The following SP100 variants were observed in gnomAD, a reference collection of about 807,000 sequenced individuals.
The protein encoded by SP100 is SP100 nuclear body protein, also known as nuclear autoantigen Sp-100.
A neutral mutation model predicts 130.0 loss-of-function variants in SP100; 84 were observed. The observed-to-expected ratio is 0.65, with a 90% confidence interval of 0.54 to 0.77. The LOEUF (loss-of-function observed/expected upper bound fraction) is 0.77. Ranked by LOEUF, SP100 falls within the 30% of genes least tolerant of loss-of-function variation. The pLI, the probability that SP100 is intolerant of heterozygous loss-of-function variation, is 0.00. For synonymous variants in SP100, 331 were observed against 351.7 expected (o/e 0.94, Z 0.66); for missense variants, 978 against 1,052.2 (o/e 0.93, Z 0.97).
chr2:230,438,648 T>TATACACACACACAC lies in SP100; in HGVS notation c.108-4288_108-4287insTACACACACACACA, dbSNP rs1246055755. ...AGTAGTACTCCATGGTGTATATATATACACACACACACACACACACACACA... is the reference window on the plus strand; with the variant it reads ...AGTAGTACTCCATGGTGTATATATATATACACACACACACACACACACACACACACACACACACA... On this transcript the variant is annotated intron_variant, in intron 2 of 28. Coordinates refer to ENST00000340126, the MANE Select transcript of SP100 (RefSeq NM_001080391.2). Among the ~76,000 whole-genome samples the TATACACACACACAC allele has an allele frequency of 1.2e-3, 158 of 127,478 alleles. 1 individual carries two copies. The highest frequency in any genetic ancestry group is 2.7e-3 in the Admixed American group (33 of 12,254). The allele number at this position is 127,478 out of a possible 152,430, so 83.6% of individuals were successfully genotyped here. A position where few individuals can be genotyped will look rare whatever the true frequency, so the allele number is the denominator to read the frequency against.
intron 23 of SP100, chr2:230,509,903 A>G (rs33079): frequency 0.84 from 128,171 of 152,258 alleles, 54,308 homozygotes; most frequent in Middle Eastern, 0.92. Context: ...TGGAGCCACT[A>G]CAAAGCTCCA....
intron 15 of SP100, chr2:230,470,345 T>C: frequency 8.7e-7 from 1 of 1,149,246 alleles, no homozygotes; most frequent in South Asian, 3.0e-5. Context: ...AAGAAATAAA[T>C]AGCAAATTTG....
At chr2:230,481,089 C>T (rs971048025) in intron 17 of SP100, among the ~76,000 whole-genome samples, 4 of 151,882 alleles carry the variant, frequency 2.6e-5, no homozygotes, top group South Asian at 2.1e-4. Context: ...CTGATGTCTA[C>T]GTATTGGAGT....
At chr2:230,439,806 G>A (rs1191844886) in intron 2 of SP100, among the ~76,000 whole-genome samples, 1 of 152,008 alleles carries the variant, frequency 6.6e-6, no homozygotes, top group Non-Finnish European at 1.5e-5. Context: ...CGATTAGGAT[G>A]CCCTTTATTT....
chr2:230,524,099 C>T (rs746714578), intron 24 of SP100, among the ~76,000 whole-genome samples: 27 of 145,308 alleles, frequency 1.9e-4, no homozygotes, highest in Middle Eastern at 3.6e-3. Context: ...TTTGAGAGGC[C>T]GAGGCAGGTG....
Position 230,462,463 on chromosome 2 carries a change from C to T in SP100, c.1002C>T (p.Ser334=), listed in dbSNP as rs764877858. The stretch of plus-strand genomic sequence containing the variant: ...TCAGCAGTGAGGACTCTGAAGGATC[C>T]ACTGACGTTGATGAGCCCTTAGAAG... The part of the protein sequence containing the change: ...IVISSEDSEG[S]TDVDEPLEVF... The change falls in exon 10 of 29, where the codon TCC becomes TCT. Residue 334 remains serine (S), a synonymous_variant. Transcript: ENST00000340126. The T allele has an allele frequency of 1.2e-6, 2 of 1,613,726 alleles. No homozygotes were observed. Among genetic ancestry groups the T allele is most frequent in the South Asian group, 1.1e-5 (1 of 91,052 alleles).
chr2:230,501,289 A>G (rs1466649479), intron 19 of SP100, among the ~76,000 whole-genome samples: 1 of 152,114 alleles, frequency 6.6e-6, no homozygotes, highest in Non-Finnish European at 1.5e-5. Flanking sequence ...CCTTTAGTTC[A>G]ATAGCCAAGT....
intron 23 of SP100, chr2:230,510,245 CAGG>C (rs1432690550): frequency 1.3e-5 from 2 of 152,568 alleles, no homozygotes; most frequent in African/African-American, 4.8e-5. Flanking sequence ...TCTCAAGATT[CAGG>C]AGAAAGTGGA....
chr2:230,496,381 G>C (rs376032072), intron 18 of SP100, among the ~76,000 whole-genome samples: 2 of 152,182 alleles, frequency 1.3e-5, no homozygotes, highest in Admixed American at 1.3e-4. Context: ...ATGTGGTAGG[G>C]AAGCTGGGTG....
chr2:230,486,962 C>T (rs888560225), intron 17 of SP100, among the ~76,000 whole-genome samples: 3 of 152,158 alleles, frequency 2.0e-5, no homozygotes, highest in Admixed American at 6.6e-5. Context: ...TCATTGGCCA[C>T]GTAAATGTCT....
intron 15 of SP100, among the ~76,000 whole-genome samples, chr2:230,472,156 C>T (rs543654452): frequency 6.6e-6 from 1 of 152,164 alleles, no homozygotes; most frequent in East Asian, 1.9e-4. Flanking sequence ...GGGCCAGGCG[C>T]AGTGACTCAT....
rs1690109206 is a variant in SP100 at position 230,506,427 on chromosome 2, C to T, written c.1995C>T (p.Thr665=). The change falls in exon 22 of 29, where the codon ACC becomes ACT. Residue 665 remains threonine (T), a synonymous_variant. Transcript: ENST00000340126. ...WKLSIRCGGY[T]LKVLMENKFL... ...TAAGTATACGCTGCGGTGGATATAC[C>T]CTGAAAGTCCTGATGGAGGTATTCT... 1 of 1,613,730 alleles carries T rather than the reference C, an allele frequency of 6.2e-7. No homozygotes were observed.
chr2:230,472,958 G>T (rs372139964), intron 15 of SP100, among the ~76,000 whole-genome samples: 9 of 152,120 alleles, frequency 5.9e-5, no homozygotes, highest in Non-Finnish European at 1.2e-4. Context: ...GTGTCAGAAG[G>T]CTCCTGTTGG....
At chr2:230,455,136 G>A (rs1450987628) in intron 8 of SP100, among the ~76,000 whole-genome samples, 3 of 152,058 alleles carry the variant, frequency 2.0e-5, no homozygotes, top group Non-Finnish European at 4.4e-5. Context: ...GTGCACTAGT[G>A]CAATCATGGC....
chr2:230,449,244 A>G, intron 6 of SP100, 94 bp downstream of exon 6: 1 of 1,276,080 alleles, frequency 7.8e-7, no homozygotes, highest in Non-Finnish European at 1.1e-6. Context: ...ATGATTGTCC[A>G]GAATTTTCAG....
intron 24 of SP100, among the ~76,000 whole-genome samples, chr2:230,517,691 G>A (rs567078051): frequency 1.3e-5 from 2 of 150,992 alleles, no homozygotes; most frequent in Non-Finnish European, 2.9e-5. Flanking sequence ...CTTGAGCCCA[G>A]AAGGCAGAGG....
chr2:230,418,803 T>C (rs1311569872), intron 2 of SP100, among the ~76,000 whole-genome samples: 1 of 152,114 alleles, frequency 6.6e-6, no homozygotes, highest in East Asian at 1.9e-4. Flanking sequence ...TCTCTCCCCT[T>C]GGCCGGTGAC....
At chr2:230,488,000 G>A (rs550617120) in intron 17 of SP100, among the ~76,000 whole-genome samples, 16 of 152,214 alleles carry the variant, frequency 1.1e-4, no homozygotes, top group Admixed American at 3.3e-4. Flanking sequence ...TACTGATGGT[G>A]TAAAGGAATG....
chr2:230,457,589 G>A (rs1224009600), intron 8 of SP100, among the ~76,000 whole-genome samples: 1 of 152,168 alleles, frequency 6.6e-6, no homozygotes, highest in Non-Finnish European at 1.5e-5. Flanking sequence ...CTTTCCCCAA[G>A]CATATTGTAT....
Sources: gnomAD v4.1 joint callset for allele counts (sites outside exome capture counted in the v4.1 genomes callset) on GRCh38, gnomAD v4.1.1 for gene constraint, MANE v1.5 for transcripts, NCBI Gene and HGNC (gene_info 2026-07-23, HGNC 2026-07-21) for gene names.